Variants in SREBF1 observed in about 807,000 individuals in gnomAD.
The protein encoded by SREBF1 is sterol regulatory element-binding protein 1.
A neutral mutation model predicts 100.1 loss-of-function variants in SREBF1; 45 were observed. That is an observed-to-expected ratio of 0.45 (90% CI 0.35 to 0.58). The LOEUF is 0.58. Ranked by LOEUF, SREBF1 falls within the 20% of genes least tolerant of loss-of-function variation. The pLI is 0.00. For missense variants in SREBF1, 1,324 were observed against 1,539.4 expected, an observed-to-expected ratio of 0.86 and a Z score of 2.34; for synonymous variants, 657 against 681.8, an observed-to-expected ratio of 0.96 and a Z score of 0.57.
rs1450277999 is a variant in SREBF1 at position 17,829,206 on chromosome 17, ATATAT to A, written c.91+7516_91+7520del. The stretch of plus-strand genomic sequence containing the variant: ...GACTCCATCTTAAAAAAAAAAAAAA[ATATAT>A]ATATATATATATATATATATATATG... On this transcript the variant is annotated intron_variant, in intron 1 of 18. Coordinates refer to ENST00000261646, the MANE Select transcript of SREBF1 (RefSeq NM_004176.5). Among the ~76,000 whole-genome samples, 396 of 92,816 alleles carry A rather than the reference ATATAT, an allele frequency of 4.3e-3. 6 individuals are homozygous for A. The highest frequency in any genetic ancestry group is 0.022 in the East Asian group (60 of 2,758). The allele number at this position is 92,816 out of a possible 152,430, so 60.9% of individuals were successfully genotyped here.
chr17:17,825,279 CTTTA>C (rs1419040754), intron 1 of SREBF1, among the ~76,000 whole-genome samples: 2 of 152,214 alleles, frequency 1.3e-5, no homozygotes, highest in Non-Finnish European at 2.9e-5. Flanking sequence ...CTTATTGTGT[CTTTA>C]TTTGTCTCAT....
In SREBF1 at chr17:17,819,593, G is replaced by A. The variant is rs758544446; in HGVS notation, c.656C>T (p.Ala219Val). Residue 219 changes from alanine (A) to valine (V), a missense_variant, in exon 3 of 19, where the codon GCC becomes GTC. By Grantham distance (64) the Ala-to-Val change is moderately conservative. Transcript: ENST00000261646. ...GGTCGTTACAGGGGCTGCCGTGGGG[G>A]CAGCTGTGACTGTCAGTAGCTGCTG... ...VPQQLLTVTA[A>V]PTAAPVTTTV... The A allele has an allele frequency of 2.5e-6, 4 of 1,613,770 alleles. No individual in the cohort carries two copies. The highest frequency in any genetic ancestry group is 3.4e-6 in the Non-Finnish European group (4 of 1,179,926).
intron 1 of SREBF1, among the ~76,000 whole-genome samples, chr17:17,836,083 T>C (rs1268360380): frequency 1.3e-5 from 2 of 152,236 alleles, no homozygotes; most frequent in Admixed American, 6.5e-5. Context: ...TAAATACCCG[T>C]TTGGTTTCCC....
rs1410624647 is a variant in SREBF1 at position 17,817,557 on chromosome 17, G to A, written c.1405-100C>T. On this transcript the variant is annotated intron_variant, in intron 7 of 18. Coordinates refer to ENST00000261646, the MANE Select transcript of SREBF1 (RefSeq NM_004176.5). This position sits in a 1 kb window ranked among gnomAD's most constrained non-coding sequence, Gnocchi z 6.6. ...TCAGGATTCTGCCCACCTTACTGTG[G>A]GACCCCACGTGGCTCCAGGCCTCAG... 1 of 1,526,410 alleles carries A rather than the reference G, an allele frequency of 6.6e-7. No individual in the cohort carries two copies. The highest frequency in any genetic ancestry group is 1.9e-5 in the Admixed American group (1 of 51,584). The allele number at this position is 1,526,410 out of a possible 1,614,324, so 94.6% of individuals were successfully genotyped here. A position where few individuals can be genotyped will look rare whatever the true frequency, so the allele number is the denominator to read the frequency against.
At chr17:17,814,167 C>G (rs1015670819) in intron 16 of SREBF1, 78 bp downstream of exon 16, 2 of 1,494,330 alleles carry the variant, frequency 1.3e-6, no homozygotes, top group African/African-American at 2.8e-5. Flanking sequence ...TCTGCAGCCC[C>G]TGGGGGCTGG....
intron 1 of SREBF1, 160 bp from the exon 2 acceptor site, chr17:17,820,681 G>A (rs958804334): frequency 4.1e-5 from 33 of 803,934 alleles, no homozygotes; most frequent in Non-Finnish European, 6.2e-5. Context: ...ACAGGAGCTG[G>A]TGTTCCCGGA....
chr17:17,835,923 T>G (rs916888148), intron 1 of SREBF1, among the ~76,000 whole-genome samples: 3 of 152,206 alleles, frequency 2.0e-5, no homozygotes, highest in African/African-American at 7.2e-5. Flanking sequence ...CCTCGAGGCC[T>G]TTGCCCTTCC....
In SREBF1 at chr17:17,815,945, G is replaced by C. The variant is rs768671095; in HGVS notation, c.2298C>G (p.Pro766=). 1.9e-6 allele frequency: 3 copies of C among 1,612,812 alleles called. No individual in the cohort carries two copies. The highest frequency in any genetic ancestry group is 2.5e-6 in the Non-Finnish European group (3 of 1,179,934). ...VPPAMQWLCH[P]VGHRFFVDGD... ...CATCCACGAAGAAACGGTGGCCCACGGGGTGGCAGAGCCACTGCATGGCAG... is the reference window on the plus strand; with the variant it reads ...CATCCACGAAGAAACGGTGGCCCACCGGGTGGCAGAGCCACTGCATGGCAG... Residue 766 remains proline, a synonymous_variant, in exon 12 of 19, where the codon CCC becomes CCG. Transcript: ENST00000261646.
At position 17,828,050 on chromosome 17, in the gene SREBF1, C is replaced by A. The variant is rs569229485; in HGVS notation, c.92-7529G>T. ...CTGTCAGGGCCTGAACCAGCTGTGA[C>A]CCCAGCCTCACCCAGCACAGGGCTG... On this transcript the variant is annotated intron_variant, in intron 1 of 18. Coordinates refer to ENST00000261646, the MANE Select transcript of SREBF1 (RefSeq NM_004176.5). 2.0e-5 allele frequency among the ~76,000 whole-genome samples: 3 copies of A among 152,324 alleles called. No individual in the cohort carries two copies. In the East Asian group the frequency reaches 5.8e-4, roughly 29 times the overall value.
rs190626886 is a variant in SREBF1 at position 17,821,963 on chromosome 17, C to T, written c.92-1442G>A. ...ATGTGATCATTGGCCCCATTCTACA[C>T]GTGAAGAAACTGAGCTGTAGAGAGG... On this transcript the variant is annotated intron_variant, in intron 1 of 18. Coordinates refer to ENST00000261646, the MANE Select transcript of SREBF1 (RefSeq NM_004176.5). Among the ~76,000 whole-genome samples the T allele has an allele frequency of 3.7e-4, 56 of 152,350 alleles. No homozygotes were observed. In the East Asian group the frequency reaches 8.3e-3, roughly 23 times the overall value.
Position 17,817,859 on chromosome 17 carries a change from A to C in SREBF1, c.1241T>G (p.Met414Arg). Residue 414 changes from methionine to arginine, a missense_variant, in exon 7 of 19, where the codon ATG becomes AGG. Physicochemically the swap from Met to Arg is moderately conservative, Grantham distance 91 (BLOSUM62 -1). Coordinates refer to ENST00000261646, the MANE Select transcript of SREBF1 (RefSeq NM_004176.5). This position sits in a 1 kb window ranked among gnomAD's most constrained non-coding sequence, Gnocchi z 6.6. ...CTCCACCTCAGTCTTCACGCCCTCC[A>C]TGAGCACGTCTGTGTTCCCTCCACT... ...CGSGGNTDVL[M>R]EGVKTEVEDT... is the part of the protein sequence containing the mutation. The C allele has an allele frequency of 6.2e-7, 1 of 1,606,604 alleles. No individual in the cohort carries two copies. Among genetic ancestry groups the C allele is most frequent in the Non-Finnish European group, 8.5e-7 (1 of 1,179,968 alleles).
At chr17:17,836,304 C>T (rs982852835) in intron 1 of SREBF1, among the ~76,000 whole-genome samples, 3 of 152,278 alleles carry the variant, frequency 2.0e-5, no homozygotes, top group African/African-American at 7.2e-5. Flanking sequence ...GAGCTGAACT[C>T]TCGGGCCGGA....
chr17:17,811,592 T>A lies in SREBF1; in HGVS notation c.*1030A>T, dbSNP rs984197391. On this transcript the variant is annotated 3_prime_UTR_variant, in exon 19 of 19. Coordinates refer to ENST00000261646, the MANE Select transcript of SREBF1 (RefSeq NM_004176.5). ...TCGGCCTTTCACAGAACAGGAAACC[T>A]CCCCCGCCCCTGTGCCCCCTCTCCA... 3.4e-5 allele frequency: 13 copies of A among 383,546 alleles called. No individual in the cohort carries two copies. Among genetic ancestry groups the A allele is most frequent in the South Asian group, 9.1e-5 (5 of 55,144 alleles). The allele number at this position is 383,546 out of a possible 1,614,324, so 23.8% of individuals were successfully genotyped here.
intron 6 of SREBF1, 95 bp downstream of exon 6, chr17:17,818,165 C>T: frequency 7.5e-6 from 6 of 798,616 alleles, no homozygotes; most frequent in Non-Finnish European, 1.1e-5. Context: ...GGGCCAGAAC[C>T]AAGGGTGGGG....
intron 1 of SREBF1, 95 bp from the exon 2 acceptor site, chr17:17,820,616 CT>C (rs2034030969): frequency 7.5e-7 from 1 of 1,336,472 alleles, no homozygotes; most frequent in African/African-American, 1.4e-5. Context: ...TTGCACAACC[CT>C]TGTTGGCACA....
intron 1 of SREBF1, among the ~76,000 whole-genome samples, chr17:17,821,198 G>A (rs914143352): frequency 1.3e-5 from 2 of 151,814 alleles, no homozygotes; most frequent in East Asian, 3.9e-4. Flanking sequence ...CGTGGACTCA[G>A]ACCAGCTTCC....
chr17:17,818,148 A>G (rs1336066793), intron 6 of SREBF1, 112 bp downstream of exon 6: 2 of 620,264 alleles, frequency 3.2e-6, no homozygotes, highest in African/African-American at 8.6e-5. Context: ...TGGGCAGGGC[A>G]GAGGGTGGGC....
intron 16 of SREBF1, chr17:17,814,008 C>T: frequency 4.6e-6 from 3 of 653,826 alleles, no homozygotes; most frequent in East Asian, 5.5e-5. Context: ...CCAAAGGGAT[C>T]CTACCACACC....
At chr17:17,828,051 C>T (rs1247247275) in intron 1 of SREBF1, among the ~76,000 whole-genome samples, 2 of 152,194 alleles carry the variant, frequency 1.3e-5, no homozygotes, top group African/African-American at 4.8e-5. Context: ...CAGCTGTGAC[C>T]CCAGCCTCAC....
Sources: gnomAD v4.1 joint callset for allele counts (sites outside exome capture counted in the v4.1 genomes callset) on GRCh38, gnomAD v4.1.1 for gene constraint, Gnocchi (gnomAD v3.1) non-coding constraint, MANE v1.5 for transcripts, NCBI Gene and HGNC (gene_info 2026-07-23, HGNC 2026-07-21) for gene names.